ADRA1A: variants seen among roughly 807,000 people sequenced by gnomAD.
ADRA1A encodes the protein adrenoceptor alpha 1A.
ADRA1A carries 31 observed loss-of-function variants against 29.6 expected under a neutral mutation model. That is an observed-to-expected ratio of 1.05 (90% CI 0.79 to 1.41). The LOEUF is 1.41. Among genes scored for constraint, ADRA1A ranks in the 40% most tolerant of loss-of-function variants. The probability of loss-of-function intolerance (pLI) is 0.00; values close to 1 mark genes in which losing one functional copy is unlikely to be tolerated. For synonymous variants in ADRA1A, 311 were observed against 254.3 expected, an observed-to-expected ratio of 1.22 and a Z score of -2.12; for missense variants, 619 against 601.1, an observed-to-expected ratio of 1.03 and a Z score of -0.31.
At chr8:26,798,114 G>A (rs1166085168) in intron 2 of ADRA1A, among the ~76,000 whole-genome samples, 1 of 152,180 alleles carries the variant, frequency 6.6e-6, no homozygotes, top group Admixed American at 6.5e-5. Flanking sequence ...GAGTAGCTGG[G>A]ATTACAGGTG....
At chr8:26,838,538 A>G (rs1382618191) in intron 2 of ADRA1A, among the ~76,000 whole-genome samples, 1 of 152,222 alleles carries the variant, frequency 6.6e-6, no homozygotes, top group Non-Finnish European at 1.5e-5. Flanking sequence ...TTCCAAGCTG[A>G]TAAGACTGAT....
intron 2 of ADRA1A, among the ~76,000 whole-genome samples, chr8:26,802,034 T>A (rs1210550319): frequency 2.0e-5 from 3 of 152,182 alleles, no homozygotes; most frequent in Non-Finnish European, 4.4e-5. Context: ...GGAAACCAGA[T>A]ATCCATATGC....
intron 2 of ADRA1A, among the ~76,000 whole-genome samples, chr8:26,798,010 C>G (rs1307951065): frequency 6.8e-6 from 1 of 147,150 alleles, no homozygotes; most frequent in African/African-American, 2.7e-5. Context: ...GATGGAATCT[C>G]ACTTGTCACC....
At chr8:26,853,325 T>A (rs934218244) in intron 2 of ADRA1A, among the ~76,000 whole-genome samples, 1 of 152,176 alleles carries the variant, frequency 6.6e-6, no homozygotes, top group African/African-American at 2.4e-5. Context: ...TGCTTAAAAC[T>A]AAAGTCTAAA....
intron 2 of ADRA1A, among the ~76,000 whole-genome samples, chr8:26,772,516 G>A (rs149765764): frequency 7.2e-5 from 11 of 152,288 alleles, no homozygotes; most frequent in Non-Finnish European, 1.2e-4. Context: ...ATGCCTTTGG[G>A]CCTCCAGTTT....
At chr8:26,754,898 G>A (rs529965576), downstream of ADRA1A, among the ~76,000 whole-genome samples, 19 of 152,276 alleles carry the variant, frequency 1.2e-4, no homozygotes, top group African/African-American at 3.4e-4. Flanking sequence ...TCAATGTAGC[G>A]TGAGCTGTGA....
At position 26,775,864 on chromosome 8, in the gene ADRA1A, A is replaced by G. The variant is rs1458163883; in HGVS notation, c.884-5198T>C. Among the ~76,000 whole-genome samples, 2 of 152,182 alleles carry G rather than the reference A, an allele frequency of 1.3e-5. No individual in the cohort carries two copies. The highest frequency in any genetic ancestry group is 4.8e-5 in the African/African-American group (2 of 41,430). ...TCATTCATGGAGATTCAGAATCCTC[A>G]CTTCCACTGTAAAGGCCTCTAGATG... On this transcript the variant is annotated intron_variant, in intron 2 of 2. Coordinates refer to ENST00000380573, the MANE Select transcript of ADRA1A (RefSeq NM_000680.4). The surrounding 1 kb of genome is among the most constrained non-coding windows in gnomAD (Gnocchi z 4.1).
chr8:26,773,681 G>A (rs1806339021), intron 2 of ADRA1A, among the ~76,000 whole-genome samples: 2 of 152,086 alleles, frequency 1.3e-5, no homozygotes, highest in Non-Finnish European at 2.9e-5. Context: ...TGAGAGTCTT[G>A]GAATTTCCCA....
At chr8:26,839,735 G>T (rs1811680317) in intron 2 of ADRA1A, among the ~76,000 whole-genome samples, 1 of 152,184 alleles carries the variant, frequency 6.6e-6, no homozygotes, top group South Asian at 2.1e-4. Flanking sequence ...GCGGAAGGAG[G>T]CATATTTCTT....
At chr8:26,859,191 TAAG>T in intron 2 of ADRA1A, 1 of 1,288,032 alleles carries the variant, frequency 7.8e-7, no homozygotes, top group Non-Finnish European at 1.0e-6. Flanking sequence ...ACGTCATATT[TAAG>T]AATGTATGTC....
In ADRA1A at chr8:26,756,446, A is replaced by G. The variant is rs2130175065; in HGVS notation, c.*313T>C. The G allele has an allele frequency of 7.0e-6, 10 of 1,424,506 alleles. No individual in the cohort carries two copies. The South Asian group carries it at 1.4e-4, about 20-fold the overall frequency. The allele number at this position is 1,424,506 out of a possible 1,614,324, so 88.2% of individuals were successfully genotyped here. On this transcript the variant is annotated 3_prime_UTR_variant, in exon 3 of 3. Transcript: ENST00000380582. Reference sequence around the variant, plus strand: ...TTCTCAATTAACTTTTAAGAATGAAATGGGGGAGGGAGGTTGTATGAAACT... The same window carrying G: ...TTCTCAATTAACTTTTAAGAATGAAGTGGGGGAGGGAGGTTGTATGAAACT...
chr8:26,826,758 C>T (rs539908746), intron 2 of ADRA1A, among the ~76,000 whole-genome samples: 3 of 152,294 alleles, frequency 2.0e-5, no homozygotes, highest in African/African-American at 7.2e-5. Context: ...AGCTCCCTAG[C>T]ACATTACACC....
rs1401825744 is a variant in ADRA1A, at chr8:26,865,969, C to A, written c.-686-314G>T. Among the ~76,000 whole-genome samples the A allele has an allele frequency of 6.6e-6, 1 of 152,172 alleles. No individual in the cohort carries two copies. The highest frequency in any genetic ancestry group is 2.4e-5 in the African/African-American group (1 of 41,442). ...GTCTGGATTTCGAGCGCAGGTACCA[C>A]GAAATTAAAATCCTCGAAGCCCCGG... is the stretch of plus-strand genomic sequence containing the variant. On this transcript the variant is annotated intron_variant, in intron 1 of 2. Transcript: ENST00000380573. The surrounding 1 kb of genome is among the most constrained non-coding windows in gnomAD (Gnocchi z 7.6).
chr8:26,820,437 A>T (rs2130590656), intron 2 of ADRA1A, among the ~76,000 whole-genome samples: 1 of 152,312 alleles, frequency 6.6e-6, no homozygotes, highest in South Asian at 2.1e-4. Context: ...TAGTGCTGGA[A>T]AAAAAGTGTA....
intron 2 of ADRA1A, among the ~76,000 whole-genome samples, chr8:26,750,135 G>A (rs1030350716): frequency 1.7e-4 from 26 of 152,298 alleles, no homozygotes; most frequent in Non-Finnish European, 3.8e-4. Flanking sequence ...CTGGTTCATA[G>A]GTGGCCGTCT....
At chr8:26,749,211 C>A (rs1291575749) in intron 2 of ADRA1A, among the ~76,000 whole-genome samples, 1 of 152,170 alleles carries the variant, frequency 6.6e-6, no homozygotes, top group African/African-American at 2.4e-5. Context: ...TTCCAAAGGA[C>A]AGGAGACTGG....
intron 2 of ADRA1A, among the ~76,000 whole-genome samples, chr8:26,788,798 C>T (rs930020300): frequency 5.9e-5 from 9 of 152,248 alleles, no homozygotes; most frequent in South Asian, 2.1e-4. Flanking sequence ...GCGCTACAAC[C>T]CACTGCCTGG....
At chr8:26,863,613 A>T (rs1337395600) in intron 2 of ADRA1A, among the ~76,000 whole-genome samples, 1 of 152,202 alleles carries the variant, frequency 6.6e-6, no homozygotes, top group Non-Finnish European at 1.5e-5. Flanking sequence ...ACAAACCCTT[A>T]TGAATAACCT....
intron 2 of ADRA1A, among the ~76,000 whole-genome samples, chr8:26,758,845 T>C (rs1805346125): frequency 6.6e-6 from 1 of 152,244 alleles, no homozygotes; most frequent in African/African-American, 2.4e-5. Context: ...CCCTGCAGAC[T>C]TGACTTACTT....
Sources: allele counts gnomAD v4.1 joint callset (sites outside exome capture counted in the v4.1 genomes callset), GRCh38; gene constraint gnomAD v4.1.1; non-coding constraint Gnocchi (gnomAD v3.1); transcripts MANE v1.5; gene names NCBI Gene and HGNC (gene_info 2026-07-23, HGNC 2026-07-21).